The following HMCN1 variants were observed in gnomAD, a reference collection of about 807,000 sequenced individuals.
HMCN1 encodes the protein hemicentin 1, also known as hemicentin-1.
Under a neutral mutation model 625.9 loss-of-function variants are expected in HMCN1, and 321 were observed. That is an observed-to-expected ratio of 0.51 (90% CI 0.47 to 0.56). The LOEUF is 0.56. HMCN1 is among the 20% of genes least tolerant of loss of function. The probability of loss-of-function intolerance (pLI) is 0.00; values close to 1 mark genes in which losing one functional copy is unlikely to be tolerated. For missense variants in HMCN1, 6,588 were observed against 6,887.3 expected (o/e 0.96, Z 1.54); for synonymous variants, 2,425 against 2,417.6 (o/e 1.00, Z -0.09).
intron 1 of HMCN1, among the ~76,000 whole-genome samples, chr1:185,742,367 G>T (rs1319369176): frequency 2.0e-5 from 3 of 152,138 alleles, no homozygotes; most frequent in Non-Finnish European, 2.9e-5. Flanking sequence ...TCAGCCTTCA[G>T]TGACTTTGTA....
intron 19 of HMCN1, among the ~76,000 whole-genome samples, chr1:185,986,087 C>T (rs992316318): frequency 6.6e-6 from 1 of 152,120 alleles, no homozygotes; most frequent in Non-Finnish European, 1.5e-5. Context: ...GATGAATATT[C>T]CATGATGATT....
Position 186,133,369 on chromosome 1 carries a change from T to TGTCA in HMCN1, c.13312+961_13312+964dup, listed in dbSNP as rs535725790. On this transcript the variant is annotated intron_variant, in intron 86 of 106. Coordinates refer to ENST00000271588, the MANE Select transcript of HMCN1 (RefSeq NM_031935.3). ...CTCAAAAGTGCTCCAGCTTGATGGC[T>TGTCA]GTCATCTTTCATGAAATAACTAAAC... Among the ~76,000 whole-genome samples the TGTCA allele has an allele frequency of 1.1e-3, 167 of 152,330 alleles. 2 individuals carry two copies. The highest frequency in any genetic ancestry group is 5.8e-3 in the East Asian group (30 of 5,180).
chr1:186,093,656 G>A lies in HMCN1; in HGVS notation c.10183G>A (p.Gly3395Arg), dbSNP rs1415556754. 1 of 1,613,102 alleles carries A rather than the reference G, an allele frequency of 6.2e-7. No homozygotes were observed. The highest frequency in any genetic ancestry group is 1.3e-5 in the African/African-American group (1 of 74,866). Reference protein sequence around the residue: ...LSSHIRLLAAGQVIRIVRAQV... With the variant: ...LSSHIRLLAARQVIRIVRAQV... The stretch of plus-strand genomic sequence containing the variant: ...CTCCCATATCCGGTTACTGGCAGCA[G>A]GACAAGTTATCAGGTCAGCTTTTAT... Residue 3395 changes from glycine to arginine, a missense_variant, in exon 66 of 107, where the codon GGA becomes AGA. Transcript: ENST00000271588.
At chr1:185,738,932 G>T (rs1467734880) in intron 1 of HMCN1, among the ~76,000 whole-genome samples, 1 of 152,094 alleles carries the variant, frequency 6.6e-6, no homozygotes, top group Non-Finnish European at 1.5e-5. Flanking sequence ...TGGGTAAATT[G>T]TGTGTCACTG....
chr1:186,081,461 T>C (rs1382329186), intron 56 of HMCN1, 67 bp downstream of exon 56: 2 of 1,181,862 alleles, frequency 1.7e-6, no homozygotes, highest in African/African-American at 1.5e-5. Flanking sequence ...TAATTGTTTT[T>C]GACTTTTAAA....
At chr1:186,016,750 G>T (rs1654394513) in intron 32 of HMCN1, among the ~76,000 whole-genome samples, 1 of 152,002 alleles carries the variant, frequency 6.6e-6, no homozygotes, top group Non-Finnish European at 1.5e-5. Flanking sequence ...GTACTAGATG[G>T]AGGAATAGGT....
intron 42 of HMCN1, among the ~76,000 whole-genome samples, chr1:186,052,022 T>A (rs185198266): frequency 6.6e-6 from 1 of 152,038 alleles, no homozygotes; most frequent in African/African-American, 2.4e-5. Flanking sequence ...TTTAGACTGG[T>A]TATACATGTG....
chr1:185,745,225 G>A (rs1288454243), intron 1 of HMCN1, among the ~76,000 whole-genome samples: 1 of 152,068 alleles, frequency 6.6e-6, no homozygotes, highest in East Asian at 1.9e-4. Context: ...CGAAAGTGTA[G>A]GGAATCGGCA....
rs540269250 is a variant in HMCN1 at position 186,064,571 on chromosome 1, A to T, written c.7514-667A>T. 3.4e-4 allele frequency among the ~76,000 whole-genome samples: 52 copies of T among 152,178 alleles called. No individual in the cohort carries two copies. The South Asian group carries it at 0.011, about 32-fold the overall frequency. ...ACGCCTGTAATCCCAGCACTTTGGGAGGCCGAGGCAGGTGGATCACAAGGT... is the reference window on the plus strand; with the variant it reads ...ACGCCTGTAATCCCAGCACTTTGGGTGGCCGAGGCAGGTGGATCACAAGGT... On this transcript the variant is annotated intron_variant, in intron 48 of 106. Coordinates refer to ENST00000271588, the MANE Select transcript of HMCN1 (RefSeq NM_031935.3).
chr1:186,039,496 GC>G (rs1656067133), intron 38 of HMCN1, among the ~76,000 whole-genome samples: 1 of 151,814 alleles, frequency 6.6e-6, no homozygotes, highest in African/African-American at 2.4e-5. Flanking sequence ...TAACAAACTG[GC>G]AAAACTTGTT....
At chr1:185,772,037 C>A (rs16824465) in intron 1 of HMCN1, among the ~76,000 whole-genome samples, 13,571 of 152,138 alleles carry the variant, frequency 0.089, 1,923 homozygotes, top group African/African-American at 0.3. Flanking sequence ...AGGCCACTCA[C>A]GGCAATGGGC....
intron 42 of HMCN1, among the ~76,000 whole-genome samples, chr1:186,049,660 T>C (rs1005345515): frequency 6.6e-6 from 1 of 152,108 alleles, no homozygotes; most frequent in Non-Finnish European, 1.5e-5. Flanking sequence ...ATTTTGATTG[T>C]ATTTGTTTAA....
At chr1:186,130,885 G>A (rs1158448885) in intron 85 of HMCN1, among the ~76,000 whole-genome samples, 188 bp downstream of exon 85, 2 of 152,196 alleles carry the variant, frequency 1.3e-5, no homozygotes, top group Non-Finnish European at 2.9e-5. Flanking sequence ...AATAAGTGCA[G>A]TGAGATAATG....
In HMCN1 at chr1:186,153,834, A is replaced by T. The variant is rs778239345; in HGVS notation, c.15103A>T (p.Ile5035Phe). The change falls in exon 97 of 107, where the codon ATC (isoleucine) becomes TTC (phenylalanine). Residue 5035 changes from isoleucine (I) to phenylalanine (F), a missense_variant. Physicochemically the swap from Ile to Phe is conservative, Grantham distance 21. Around this residue, in one of 3 missense-constraint regions of HMCN1, gnomAD observed 1,954 missense variants for 2,013.1 expected, o/e 0.97. Coordinates refer to ENST00000271588, the MANE Select transcript of HMCN1 (RefSeq NM_031935.3). ...GCTGTTCACCATTGATGGCATCAGC[A>T]TCCCATACACATGGAACCACACCGT... ...TRLFTIDGIS[I>F]PYTWNHTVFY... 1 of 1,614,194 alleles carries T rather than the reference A, an allele frequency of 6.2e-7. No individual in the cohort carries two copies. The highest frequency in any genetic ancestry group is 1.7e-5 in the Admixed American group (1 of 60,020).
At chr1:185,888,754 C>G (rs1222450968) in intron 4 of HMCN1, among the ~76,000 whole-genome samples, 1 of 145,962 alleles carries the variant, frequency 6.9e-6, no homozygotes, top group Non-Finnish European at 1.5e-5. Flanking sequence ...ATGCCTCCAG[C>G]TTTGTTCTTT....
At chr1:185,837,345 A>C (rs74368355) in intron 1 of HMCN1, among the ~76,000 whole-genome samples, 14 of 152,100 alleles carry the variant, frequency 9.2e-5, no homozygotes, top group Admixed American at 3.9e-4. Flanking sequence ...TGAAGTTTGC[A>C]TCTCTTTCAC....
intron 11 of HMCN1, among the ~76,000 whole-genome samples, chr1:185,935,471 C>A (rs1667765440): frequency 6.6e-6 from 1 of 152,044 alleles, no homozygotes; most frequent in Non-Finnish European, 1.5e-5. Context: ...ACCATATGAT[C>A]TAGAAATGTG....
At chr1:185,864,704 C>A (rs1303971915) in intron 3 of HMCN1, 76 bp downstream of exon 3, 2 of 1,271,410 alleles carry the variant, frequency 1.6e-6, no homozygotes, top group Non-Finnish European at 2.3e-6. Context: ...TTGACTCTTC[C>A]ATGTGTGGTC....
At chr1:185,763,959 CA>C (rs1425192048) in intron 1 of HMCN1, among the ~76,000 whole-genome samples, 2 of 151,956 alleles carry the variant, frequency 1.3e-5, no homozygotes, top group Non-Finnish European at 2.9e-5. Context: ...TTGTTCAGGT[CA>C]AAAAGAGAAA....
Sources: allele counts gnomAD v4.1 joint callset (sites outside exome capture counted in the v4.1 genomes callset), GRCh38; gene constraint gnomAD v4.1.1; regional missense constraint gnomAD v4.1.1; transcripts MANE v1.5; gene names NCBI Gene and HGNC (gene_info 2026-07-23, HGNC 2026-07-21).